Variants in PCDHGA2 observed in about 807,000 individuals in gnomAD.
The protein encoded by PCDHGA2 is protocadherin gamma subfamily A, 2.
In PCDHGA2, 40 loss-of-function variants were observed where a neutral mutation model predicts 59.2. The ratio of observed to expected loss-of-function variants is 0.68; its 90% CI spans 0.52 to 0.88. The LOEUF (loss-of-function observed/expected upper bound fraction) is 0.88. Among genes scored for constraint, PCDHGA2 ranks in the 40% least tolerant of loss-of-function variants. PCDHGA2 has a pLI of 0.00. For synonymous variants in PCDHGA2, 560 were observed against 526.0 expected, an observed-to-expected ratio of 1.06 and a Z score of -0.89; for missense variants, 1,226 against 1,204.0, an observed-to-expected ratio of 1.02 and a Z score of -0.27.
chr5:141,393,851 A>T (rs758721118), intron 1 of PCDHGA2: 2 of 1,613,988 alleles, frequency 1.2e-6, no homozygotes, highest in Non-Finnish European at 1.7e-6. Context: ...ATAGACCAGA[A>T]GTGATCATTA....
At chr5:141,387,604 T>C (rs2091008879) in intron 1 of PCDHGA2, 2 of 547,084 alleles carry the variant, frequency 3.7e-6, no homozygotes, top group Non-Finnish European at 6.4e-6. Flanking sequence ...CAGCAGAGGC[T>C]GTAGTTTCCT....
intron 1 of PCDHGA2, chr5:141,421,588 G>A: frequency 1.2e-6 from 2 of 1,613,910 alleles, no homozygotes; most frequent in Non-Finnish European, 8.5e-7. Context: ...TTACGGAGTG[G>A]AGGTGGAAAT....
At chr5:141,423,192 C>T in intron 1 of PCDHGA2, 2 of 1,613,622 alleles carry the variant, frequency 1.2e-6, no homozygotes, top group African/African-American at 2.7e-5. Context: ...AGCCCCCTCT[C>T]TCGGCCACCG....
chr5:141,352,469 C>T (rs1561503431), intron 1 of PCDHGA2: 9 of 1,614,014 alleles, frequency 5.6e-6, no homozygotes, highest in Non-Finnish European at 7.6e-6. Context: ...CGGGGTTCCT[C>T]CCAACCACAG....
intron 1 of PCDHGA2, among the ~76,000 whole-genome samples, chr5:141,483,767 T>C (rs2099586826): frequency 6.6e-6 from 1 of 151,840 alleles, no homozygotes; most frequent in Non-Finnish European, 1.5e-5. Flanking sequence ...CTTGGAAAAA[T>C]ATTGGGGAAG....
chr5:141,356,825 T>G, intron 1 of PCDHGA2: 3 of 1,614,132 alleles, frequency 1.9e-6, no homozygotes, highest in Non-Finnish European at 1.7e-6. Context: ...GACCCTCCAC[T>G]CAGCAGCAAT....
intron 1 of PCDHGA2, chr5:141,492,033 C>A: frequency 1.8e-6 from 1 of 548,342 alleles, no homozygotes; most frequent in Non-Finnish European, 3.1e-6. Flanking sequence ...CGGGAGGAGG[C>A]AGTCACAGAT....
rs749000978 is a variant in PCDHGA2, at chr5:141,346,366, C to T, written c.2424+4971C>T. 6.2e-6 allele frequency: 10 copies of T among 1,614,242 alleles called. No homozygotes were observed. The Admixed American group carries it at 1.3e-4, about 22-fold the overall frequency. On this transcript the variant is annotated intron_variant, in intron 1 of 3. Coordinates refer to ENST00000394576, the MANE Select transcript of PCDHGA2 (RefSeq NM_018915.4). ...TTCCCCCAGCCCAACTATGCGGACACGCTCATCAGCCAGGAGAGCTGTGAG... is the reference window on the plus strand; with the variant it reads ...TTCCCCCAGCCCAACTATGCGGACATGCTCATCAGCCAGGAGAGCTGTGAG...
chr5:141,364,631 C>G lies in PCDHGA2; in HGVS notation c.2424+23236C>G, dbSNP rs1185319581. ...GGAGGAGCTCTGCGCTCAGAGCCCA[C>G]TGTGTGTGGTGAACTTTAACATCTT... On this transcript the variant is annotated intron_variant, in intron 1 of 3. Coordinates refer to ENST00000394576, the MANE Select transcript of PCDHGA2 (RefSeq NM_018915.4). 1.2e-6 allele frequency: 2 copies of G among 1,614,122 alleles called. No individual in the cohort carries two copies. Among genetic ancestry groups the G allele is most frequent in the East Asian group, 2.2e-5 (1 of 44,886 alleles).
intron 1 of PCDHGA2, chr5:141,371,338 A>G (rs767000210): frequency 6.2e-7 from 1 of 1,613,990 alleles, no homozygotes; most frequent in Non-Finnish European, 8.5e-7. Context: ...AGAGATAGCT[A>G]CACAATTGGG....
At chr5:141,400,776 GT>G (rs1167512157) in intron 1 of PCDHGA2, 17 of 557,594 alleles carry the variant, frequency 3.0e-5, no homozygotes, top group East Asian at 1.8e-4. Flanking sequence ...CATTTGGTGC[GT>G]TTTTTTGTCC....
chr5:141,485,882 G>C lies in PCDHGA2; in HGVS notation c.2425-8925G>C. 6.2e-7 allele frequency: 1 copy of C among 1,614,146 alleles called. No homozygotes were observed. On this transcript the variant is annotated intron_variant, in intron 1 of 3. Transcript: ENST00000394576. The surrounding 1 kb of genome is among the most constrained non-coding windows in gnomAD (Gnocchi z 5.7). ...CCGGGTATCCGTGCTGGACGTAAACGACAACGCCCCAGCCTTCCAGCAATC... is the reference window on the plus strand; with the variant it reads ...CCGGGTATCCGTGCTGGACGTAAACCACAACGCCCCAGCCTTCCAGCAATC...
chr5:141,371,611 CAGAT>C, intron 1 of PCDHGA2: 1 of 1,613,996 alleles, frequency 6.2e-7, no homozygotes, highest in African/African-American at 1.3e-5. Context: ...AGGTTGGTGA[CAGAT>C]GGAGCCCTGG....
rs371979287 is a variant in PCDHGA2, at chr5:141,384,185, C to A, written c.2424+42790C>A. On this transcript the variant is annotated intron_variant, in intron 1 of 3. Transcript: ENST00000394576. Reference sequence around the variant, plus strand: ...ACACTGAAAGCCACAGATGGTGGAACTCCTCCCTTGTCCAGGGAAACTCAC... The same window carrying A: ...ACACTGAAAGCCACAGATGGTGGAAATCCTCCCTTGTCCAGGGAAACTCAC... The A allele has an allele frequency of 6.2e-7, 1 of 1,613,718 alleles. No homozygotes were observed. Among genetic ancestry groups the A allele is most frequent in the Non-Finnish European group, 8.5e-7 (1 of 1,179,848 alleles).
Position 141,345,962 on chromosome 5 carries a change from G to A in PCDHGA2, c.2424+4567G>A, listed in dbSNP as rs577452868. The A allele has an allele frequency of 6.4e-5, 103 of 1,613,572 alleles. No homozygotes were observed. The African/African-American group carries it at 8.3e-4, about 13-fold the overall frequency. On this transcript the variant is annotated intron_variant, in intron 1 of 3. Transcript: ENST00000394576. The stretch of plus-strand genomic sequence containing the variant: ...GAGACGCGCTCAAGCAGAGCCTCGT[G>A]GTGGCCGTCCAGGACCACGGCCAGC...
chr5:141,362,714 C>G, intron 1 of PCDHGA2: 1 of 916,370 alleles, frequency 1.1e-6, no homozygotes, highest in South Asian at 1.8e-5. Context: ...AGTGTTTTCT[C>G]TCTGAAGTGT....
intron 3 of PCDHGA2, among the ~76,000 whole-genome samples, chr5:141,507,713 C>T (rs2099862763): frequency 6.6e-6 from 1 of 152,234 alleles, no homozygotes; most frequent in Non-Finnish European, 1.5e-5. Flanking sequence ...GGCCCCAAAC[C>T]CTCCAAGCAA....
At chr5:141,509,574 G>A (rs554778751) in intron 3 of PCDHGA2, among the ~76,000 whole-genome samples, 7 of 152,182 alleles carry the variant, frequency 4.6e-5, no homozygotes, top group Non-Finnish European at 5.9e-5. Flanking sequence ...TTCACAGTGC[G>A]TACAAATCAG....
intron 1 of PCDHGA2, chr5:141,410,388 C>G (rs1312753736): frequency 6.2e-7 from 1 of 1,613,962 alleles, no homozygotes; most frequent in African/African-American, 1.3e-5. Flanking sequence ...TGCTTCCATC[C>G]TGGTCTCTGT....
Sources: gnomAD v4.1 joint callset for allele counts (sites outside exome capture counted in the v4.1 genomes callset) on GRCh38, gnomAD v4.1.1 for gene constraint, Gnocchi (gnomAD v3.1) non-coding constraint, MANE v1.5 for transcripts, NCBI Gene and HGNC (gene_info 2026-07-23, HGNC 2026-07-21) for gene names.